PPFIA1: variants seen among roughly 807,000 people sequenced by gnomAD.
PPFIA1 encodes the protein PPFI scaffold protein A1, also known as liprin-alpha-1.
Under a neutral mutation model 149.9 loss-of-function variants are expected in PPFIA1, and 25 were observed. The ratio of observed to expected loss-of-function variants is 0.17; its 90% confidence interval spans 0.12 to 0.23. The LOEUF (loss-of-function observed/expected upper bound fraction) is 0.23, where lower values mean the gene tolerates loss of function less well. Ranked by LOEUF, PPFIA1 falls within the 10% of genes least tolerant of loss-of-function variation. The pLI, the probability that PPFIA1 is intolerant of heterozygous loss-of-function variation, is 1.00. For synonymous variants in PPFIA1, 549 were observed against 552.8 expected (o/e 0.99, Z 0.10); for missense variants, 1,362 against 1,506.5 (o/e 0.90, Z 1.59).
At chr11:70,354,886 C>T (rs529820057) in intron 17 of PPFIA1, among the ~76,000 whole-genome samples, 2 of 151,894 alleles carry the variant, frequency 1.3e-5, no homozygotes, top group Non-Finnish European at 2.9e-5. Context: ...AGTGAGTGTC[C>T]CCTCTCAGGA....
Position 70,348,365 on chromosome 11 carries a change from G to C in PPFIA1, c.2108G>C (p.Arg703Pro), listed in dbSNP as rs748144424. The change falls in exon 16 of 28, where the codon CGA (arginine) becomes CCA (proline). Residue 703 changes from arginine (R) to proline (P), a missense_variant. Arg to Pro is a moderately radical substitution (Grantham distance 103, BLOSUM62 -2). Around this residue, in one of 7 missense-constraint regions of PPFIA1, gnomAD observed 733 missense variants for 744.1 expected, o/e 0.99. Coordinates refer to ENST00000253925, the MANE Select transcript of PPFIA1 (RefSeq NM_003626.5). ...CCGGGCAGTGGGCGCTCCACCCCAC[G>C]AAGGATCCCTCACAGCCCAGCTCGG... ...SPPGSGRSTP[R>P]RIPHSPAREV... is the part of the protein sequence containing the mutation. 1 of 1,614,070 alleles carries C rather than the reference G, an allele frequency of 6.2e-7. No individual in the cohort carries two copies. Among genetic ancestry groups the C allele is most frequent in the African/African-American group, 1.3e-5 (1 of 75,022 alleles).
At chr11:70,283,585 G>A (rs1247126604) in intron 2 of PPFIA1, among the ~76,000 whole-genome samples, 1 of 152,180 alleles carries the variant, frequency 6.6e-6, no homozygotes, top group Non-Finnish European at 1.5e-5. Flanking sequence ...TTGAGGAGGC[G>A]AGAGGGTGCA....
chr11:70,380,638 G>T (rs538110517), intron 26 of PPFIA1, among the ~76,000 whole-genome samples: 1 of 151,638 alleles, frequency 6.6e-6, no homozygotes, highest in Non-Finnish European at 1.5e-5. Flanking sequence ...AGGAGGCTGA[G>T]GCAGGAGAAT....
intron 2 of PPFIA1, among the ~76,000 whole-genome samples, chr11:70,281,912 G>A (rs1337161312): frequency 6.6e-6 from 1 of 152,216 alleles, no homozygotes; most frequent in Non-Finnish European, 1.5e-5. Flanking sequence ...ACTGAAACTG[G>A]AGCTGAAGCG....
At chr11:70,312,097 G>C (rs2053323397) in intron 2 of PPFIA1, among the ~76,000 whole-genome samples, 1 of 151,606 alleles carries the variant, frequency 6.6e-6, no homozygotes, top group Admixed American at 6.6e-5. Context: ...GCCTGCCTCA[G>C]CTTCTCAAAG....
chr11:70,342,867 C>G (rs371715656), intron 14 of PPFIA1, among the ~76,000 whole-genome samples: 1 of 145,678 alleles, frequency 6.9e-6, no homozygotes, highest in Non-Finnish European at 1.5e-5. Context: ...CATCACCTTA[C>G]GTATTTCTCT....
At chr11:70,347,761 T>C (rs890121745) in intron 15 of PPFIA1, among the ~76,000 whole-genome samples, 3 of 151,986 alleles carry the variant, frequency 2.0e-5, no homozygotes, top group Non-Finnish European at 4.4e-5. Flanking sequence ...CCCACTACTT[T>C]GGGAGGCCGA....
chr11:70,339,510 G>A (rs2055182983), intron 14 of PPFIA1, among the ~76,000 whole-genome samples: 1 of 152,030 alleles, frequency 6.6e-6, no homozygotes, highest in Non-Finnish European at 1.5e-5. Flanking sequence ...GTTTTAAAGA[G>A]GTAGGGTCTG....
chr11:70,355,895 T>C, intron 18 of PPFIA1, 84 bp downstream of exon 18: 8 of 1,500,986 alleles, frequency 5.3e-6, no homozygotes, highest in South Asian at 2.6e-5. Flanking sequence ...TCCCACGCGG[T>C]GCTCCAGGAG....
chr11:70,292,349 C>T (rs1205827283), intron 2 of PPFIA1, among the ~76,000 whole-genome samples: 7 of 152,196 alleles, frequency 4.6e-5, no homozygotes, highest in Admixed American at 1.3e-4. Context: ...GATTCCACTC[C>T]GCCTCCCCTG....
intron 2 of PPFIA1, among the ~76,000 whole-genome samples, chr11:70,297,560 A>G (rs747595226): frequency 6.6e-6 from 1 of 152,248 alleles, no homozygotes; most frequent in Admixed American, 6.5e-5. Flanking sequence ...ATGAAATTCA[A>G]AATTACTCAT....
In PPFIA1 at chr11:70,338,390, A is replaced by T. The variant is rs777446727; in HGVS notation, c.1508A>T (p.Asn503Ile). 1 of 1,612,984 alleles carries T rather than the reference A, an allele frequency of 6.2e-7. No individual in the cohort carries two copies. The highest frequency in any genetic ancestry group is 1.7e-5 in the Admixed American group (1 of 60,002). The change falls in exon 13 of 28, where the codon AAC becomes ATC. Residue 503 changes from asparagine to isoleucine, a missense_variant. This residue lies in a region of PPFIA1 where 733 missense variants were observed against 744.1 expected (regional missense o/e 0.99). Transcript: ENST00000253925. Reference protein sequence around the residue: ...TQHDKDQLVLNIEALRAELDH... With the variant: ...TQHDKDQLVLIIEALRAELDH... ...TTTCTGTAGGATCAGCTTGTCCTAA[A>T]CATTGAAGCACTGAGGGCTGAACTA...
At chr11:70,349,164 A>C in intron 16 of PPFIA1, among the ~76,000 whole-genome samples, 1 of 151,344 alleles carries the variant, frequency 6.6e-6, no homozygotes, top group East Asian at 1.9e-4. Flanking sequence ...AAAAGGAAAA[A>C]CATGAAATGG....
chr11:70,308,090 C>T (rs931034875), intron 2 of PPFIA1, among the ~76,000 whole-genome samples: 2 of 152,182 alleles, frequency 1.3e-5, no homozygotes, highest in South Asian at 4.1e-4. Flanking sequence ...CTCTTGTTGC[C>T]TAGGCTGGAG....
intron 2 of PPFIA1, among the ~76,000 whole-genome samples, chr11:70,288,875 C>G (rs1384225052): frequency 6.6e-6 from 1 of 151,964 alleles, no homozygotes. Flanking sequence ...TCATTCCTCT[C>G]AGGAGCCCTG....
intron 2 of PPFIA1, among the ~76,000 whole-genome samples, chr11:70,301,793 G>T (rs147851767): frequency 2.0e-3 from 310 of 152,310 alleles, no homozygotes; most frequent in Non-Finnish European, 2.8e-3. Context: ...ATGCCTTCTT[G>T]TTAAAGTAGA....
chr11:70,306,662 A>C (rs2052874417), intron 2 of PPFIA1, among the ~76,000 whole-genome samples: 1 of 152,270 alleles, frequency 6.6e-6, no homozygotes, highest in South Asian at 2.1e-4. Flanking sequence ...GATTGTCAGA[A>C]GCTATTACAA....
intron 2 of PPFIA1, among the ~76,000 whole-genome samples, chr11:70,320,997 A>G (rs2053905555): frequency 6.6e-6 from 1 of 152,150 alleles, no homozygotes; most frequent in Non-Finnish European, 1.5e-5. Flanking sequence ...ACCACAGAAC[A>G]CTAGTGCTAT....
chr11:70,357,755 T>G (rs2056426650), intron 19 of PPFIA1, among the ~76,000 whole-genome samples: 1 of 151,954 alleles, frequency 6.6e-6, no homozygotes, highest in Admixed American at 6.6e-5. Context: ...ACCCGGCTAA[T>G]TTTTTGTATT....
Sources: allele counts gnomAD v4.1 joint callset (sites outside exome capture counted in the v4.1 genomes callset), GRCh38; gene constraint gnomAD v4.1.1; regional missense constraint gnomAD v4.1.1; transcripts MANE v1.5; gene names NCBI Gene and HGNC (gene_info 2026-07-23, HGNC 2026-07-21).